The following WDR70 variants were observed in gnomAD, a reference collection of about 807,000 sequenced individuals.
WDR70 encodes WD repeat-containing protein 70.
WDR70 carries 53 observed loss-of-function variants against 88.6 expected under a neutral mutation model. That is an observed-to-expected ratio of 0.60 (90% CI 0.48 to 0.75). The LOEUF (loss-of-function observed/expected upper bound fraction) is 0.75, where lower values mean the gene tolerates loss of function less well. Ranked by LOEUF, WDR70 falls within the 30% of genes least tolerant of loss-of-function variation. WDR70 has a pLI of 0.00. For missense variants in WDR70, 610 were observed against 823.2 expected, an observed-to-expected ratio of 0.74 and a Z score of 3.17; for synonymous variants, 280 against 270.0, an observed-to-expected ratio of 1.04 and a Z score of -0.36.
At chr5:37,556,777 T>C (rs1046205860) in intron 9 of WDR70, among the ~76,000 whole-genome samples, 7 of 152,172 alleles carry the variant, frequency 4.6e-5, no homozygotes, top group African/African-American at 1.7e-4. Context: ...AACATAGGAA[T>C]GTCATGTGTC....
intron 9 of WDR70, among the ~76,000 whole-genome samples, chr5:37,541,393 G>T (rs1197541154): frequency 6.6e-6 from 1 of 152,012 alleles, no homozygotes; most frequent in Admixed American, 6.6e-5. Context: ...AACTTTCAAC[G>T]ATTTGCATTT....
At chr5:37,543,564 G>C (rs893008777) in intron 9 of WDR70, among the ~76,000 whole-genome samples, 1 of 152,092 alleles carries the variant, frequency 6.6e-6, no homozygotes, top group Non-Finnish European at 1.5e-5. Context: ...GTTATATTGT[G>C]TTTGTTGAAA....
At chr5:37,710,181 G>T (rs182889991) in intron 13 of WDR70, among the ~76,000 whole-genome samples, 110 of 152,052 alleles carry the variant, frequency 7.2e-4, no homozygotes, top group African/African-American at 2.6e-3. Flanking sequence ...GTTTAGTGCT[G>T]ATTCCTTTTT....
intron 10 of WDR70, among the ~76,000 whole-genome samples, chr5:37,623,198 A>G (rs1327016868): frequency 6.6e-6 from 1 of 152,086 alleles, no homozygotes; most frequent in Non-Finnish European, 1.5e-5. Flanking sequence ...ATTTAATGTT[A>G]TTTCCTTTAC....
intron 10 of WDR70, among the ~76,000 whole-genome samples, chr5:37,660,809 C>CAT (rs1302137105): frequency 2.6e-5 from 4 of 152,036 alleles, no homozygotes; most frequent in Non-Finnish European, 5.9e-5. Flanking sequence ...GTTGGCCCAA[C>CAT]ATATATTCAG....
At chr5:37,478,788 A>G (rs1272617692) in intron 7 of WDR70, among the ~76,000 whole-genome samples, 1 of 152,190 alleles carries the variant, frequency 6.6e-6, no homozygotes, top group Non-Finnish European at 1.5e-5. Flanking sequence ...GAAATTCCTG[A>G]GGGTTCAGTT....
At position 37,583,107 on chromosome 5, in the gene WDR70, A is replaced by G. The variant is rs1158602931; in HGVS notation, c.918-21957A>G. Among the ~76,000 whole-genome samples the G allele has an allele frequency of 2.0e-5, 3 of 152,204 alleles. No individual in the cohort carries two copies. The East Asian group carries it at 5.8e-4, about 29-fold the overall frequency. ...ATGCAGTTCTTCCGCCCGTACACAT[A>G]GAAAATGTATCCCCCTAGAGTTATT... On this transcript the variant is annotated intron_variant, in intron 9 of 17. Transcript: ENST00000265107.
At chr5:37,671,172 A>G (rs1203900371) in intron 10 of WDR70, among the ~76,000 whole-genome samples, 1 of 152,174 alleles carries the variant, frequency 6.6e-6, no homozygotes, top group African/African-American at 2.4e-5. Flanking sequence ...AGAAAAAACA[A>G]TTCTATTGAG....
intron 10 of WDR70, among the ~76,000 whole-genome samples, chr5:37,680,142 C>T (rs541520762): frequency 5.3e-5 from 8 of 150,832 alleles, no homozygotes; most frequent in Non-Finnish European, 8.9e-5. Flanking sequence ...TTTGTCTAAC[C>T]ATCAGTGATG....
At chr5:37,674,254 A>ATTT (rs1746126554) in intron 10 of WDR70, among the ~76,000 whole-genome samples, 2 of 151,534 alleles carry the variant, frequency 1.3e-5, no homozygotes, top group South Asian at 4.2e-4. Flanking sequence ...TATTATTATT[A>ATTT]TACTTTAAGT....
At chr5:37,527,499 C>G (rs1044909174) in intron 9 of WDR70, among the ~76,000 whole-genome samples, 9 of 152,186 alleles carry the variant, frequency 5.9e-5, no homozygotes, top group Non-Finnish European at 1.3e-4. Flanking sequence ...GGATTAAAGA[C>G]TTAAATGTTA....
intron 9 of WDR70, 105 bp downstream of exon 9, chr5:37,516,695 G>T (rs1310211348): frequency 2.2e-5 from 8 of 362,460 alleles, no homozygotes; most frequent in African/African-American, 4.3e-5. Flanking sequence ...TGGAATATTA[G>T]GAATTCTTAT....
At chr5:37,714,071 G>C (rs950244400) in intron 13 of WDR70, among the ~76,000 whole-genome samples, 4 of 152,162 alleles carry the variant, frequency 2.6e-5, no homozygotes, top group Non-Finnish European at 5.9e-5. Context: ...CTGAATAAAA[G>C]AGTATGATAT....
intron 15 of WDR70, chr5:37,723,687 G>A (rs1036804455): frequency 5.3e-5 from 8 of 152,216 alleles, no homozygotes; most frequent in African/African-American, 1.9e-4. Context: ...TCTCATATGA[G>A]ACCAAGTCCC....
At chr5:37,383,323 G>T (rs1748492071) in intron 3 of WDR70, among the ~76,000 whole-genome samples, 1 of 152,060 alleles carries the variant, frequency 6.6e-6, no homozygotes, top group Non-Finnish European at 1.5e-5. Flanking sequence ...GCAATGGCGT[G>T]ATCTCAGCTC....
intron 7 of WDR70, among the ~76,000 whole-genome samples, chr5:37,473,709 G>T (rs367646638): frequency 5.3e-5 from 8 of 152,184 alleles, no homozygotes; most frequent in African/African-American, 1.9e-4. Context: ...CTTCCTTTAT[G>T]CTGGATTTTT....
Position 37,404,490 on chromosome 5 carries a change from T to C in WDR70, c.492+7920T>C, listed in dbSNP as rs761663696. Among the ~76,000 whole-genome samples, 4 of 152,354 alleles carry C rather than the reference T, an allele frequency of 2.6e-5. 1 individual carries two copies. Among genetic ancestry groups the C allele is most frequent in the Admixed American group, 2.0e-4 (3 of 15,308 alleles). ...ATGAAAAAATATTTTTTCTATAATA[T>C]GTGCATGTTAATGTCTCTGAAGCAT... On this transcript the variant is annotated intron_variant, in intron 5 of 17. Coordinates refer to ENST00000265107, the MANE Select transcript of WDR70 (RefSeq NM_018034.4).
intron 7 of WDR70, among the ~76,000 whole-genome samples, chr5:37,464,031 G>A (rs113595237): frequency 0.1 from 15,718 of 152,236 alleles, 955 homozygotes; most frequent in South Asian, 0.19. Flanking sequence ...ACCAAATGTA[G>A]ATAGAACAGT....
rs1403678434 is a variant in WDR70, at chr5:37,487,617, ATATATATGTAT to A, written c.840+7632_840+7642del. On this transcript the variant is annotated intron_variant, in intron 8 of 17. Transcript: ENST00000265107. ...TATATATAAATATATATATATATAT[ATATATATGTAT>A]TTTTTTTTTTTTTTTTGAGAGGGTG... Among the ~76,000 whole-genome samples the A allele has an allele frequency of 7.1e-4, 31 of 43,752 alleles. 1 individual carries two copies. Among genetic ancestry groups the A allele is most frequent in the South Asian group, 3.2e-3 (2 of 630 alleles). The allele number at this position is 43,752 out of a possible 152,430, so 28.7% of individuals were successfully genotyped here.
Sources: gnomAD v4.1 joint callset for allele counts (sites outside exome capture counted in the v4.1 genomes callset) on GRCh38, gnomAD v4.1.1 for gene constraint, MANE v1.5 for transcripts, NCBI Gene and HGNC (gene_info 2026-07-23, HGNC 2026-07-21) for gene names.